The following DLC1 variants were observed in gnomAD, a reference collection of about 807,000 sequenced individuals.
DLC1 encodes the protein rho GTPase-activating protein 7.
In DLC1, 54 loss-of-function variants were observed where a neutral mutation model predicts 140.3. The ratio of observed to expected loss-of-function variants is 0.38; its 90% CI spans 0.31 to 0.48. The LOEUF is 0.48. DLC1 is among the 20% of genes least tolerant of loss of function. The pLI, the probability that DLC1 is intolerant of heterozygous loss-of-function variation, is 0.96. For missense variants in DLC1, 2,536 were observed against 1,907.0 expected (o/e 1.33, Z -6.14); for synonymous variants, 986 against 728.1 (o/e 1.35, Z -5.70).
At chr8:13,228,855 GA>G (rs1828919626) in intron 5 of DLC1, among the ~76,000 whole-genome samples, 1 of 152,208 alleles carries the variant, frequency 6.6e-6, no homozygotes, top group Non-Finnish European at 1.5e-5. Flanking sequence ...CATGCATACA[GA>G]ATGGGGAATG....
chr8:13,095,990 T>G (rs889549231), intron 10 of DLC1: 5 of 152,168 alleles, frequency 3.3e-5, no homozygotes, highest in Non-Finnish European at 7.3e-5. Context: ...GACCCCAGGC[T>G]CCCTGGTGTC....
chr8:13,560,055 G>A (rs1804184283), intron 1 of DLC1, among the ~76,000 whole-genome samples: 1 of 152,148 alleles, frequency 6.6e-6, no homozygotes, highest in Non-Finnish European at 1.5e-5. Context: ...AGACAAAGTA[G>A]CAAAAGAGAT....
chr8:13,378,078 A>T (rs1296866208), intron 4 of DLC1, among the ~76,000 whole-genome samples: 2 of 147,004 alleles, frequency 1.4e-5, no homozygotes, highest in African/African-American at 2.5e-5. Context: ...CCTTTTTTTT[A>T]AATTTTATTT....
intron 5 of DLC1, among the ~76,000 whole-genome samples, chr8:13,199,289 G>C (rs76676169): frequency 0.011 from 1,670 of 146,850 alleles, 13 homozygotes; most frequent in South Asian, 0.036. Flanking sequence ...GGCTCAAGCA[G>C]TCCTCCTGCT....
intron 5 of DLC1, among the ~76,000 whole-genome samples, chr8:13,173,561 G>A (rs1341066785): frequency 2.0e-5 from 3 of 152,034 alleles, no homozygotes; most frequent in African/African-American, 7.2e-5. Flanking sequence ...TAGCAGATAC[G>A]GGGTTTCACT....
chr8:13,514,521 G>A, intron 1 of DLC1, 81 bp downstream of exon 1: 1 of 398,274 alleles, frequency 2.5e-6, no homozygotes, highest in Non-Finnish European at 4.4e-6. Flanking sequence ...CCAACTCCGT[G>A]CAAGATGCTA....
chr8:13,538,489 G>C (rs141411152), intron 1 of DLC1, among the ~76,000 whole-genome samples: 1 of 152,014 alleles, frequency 6.6e-6, no homozygotes, highest in Non-Finnish European at 1.5e-5. Context: ...ATATGATGCC[G>C]AGATAAGCTG....
intron 1 of DLC1, among the ~76,000 whole-genome samples, chr8:13,526,101 C>T (rs1399574025): frequency 6.6e-6 from 1 of 152,136 alleles, no homozygotes. Context: ...TTTCTTTGCA[C>T]CTTTAACAAA....
chr8:13,170,614 C>T (rs10105018), intron 5 of DLC1, among the ~76,000 whole-genome samples: 76,310 of 150,884 alleles, frequency 0.51, 20,012 homozygotes, highest in East Asian at 0.84. Flanking sequence ...CCTGTAGTCC[C>T]AGCTAGTCGG....
intron 5 of DLC1, among the ~76,000 whole-genome samples, chr8:13,170,720 A>T (rs1387838261): frequency 1.5e-5 from 2 of 133,492 alleles, no homozygotes; most frequent in Admixed American, 8.3e-5. Context: ...ACAGAGCAAG[A>T]CTCCATCTCA....
At chr8:13,292,857 A>G (rs1831813067) in intron 5 of DLC1, among the ~76,000 whole-genome samples, 1 of 152,178 alleles carries the variant, frequency 6.6e-6, no homozygotes, top group Non-Finnish European at 1.5e-5. Flanking sequence ...GGATGTGAAT[A>G]TAGTCTATTG....
intron 1 of DLC1, among the ~76,000 whole-genome samples, chr8:13,504,630 GA>G (rs1197807275): frequency 6.6e-6 from 1 of 152,092 alleles, no homozygotes; most frequent in Non-Finnish European, 1.5e-5. Context: ...CGGAGAAAGA[GA>G]AAAAGAGATG....
chr8:13,086,091 C>A, intron 17 of DLC1, 160 bp from the exon 18 acceptor site: 1 of 1,370,864 alleles, frequency 7.3e-7, no homozygotes, highest in South Asian at 1.5e-5. Flanking sequence ...GCTTTAGAAC[C>A]ACATTTTCTA....
rs530474232 is a variant in DLC1 at position 13,413,144 on chromosome 8, A to G, written c.1024-11525T>C. ...TAGAGAGTTTGCTAAGTAGGGAAAG[A>G]AAGGTAAAGAACACTACACGAAGCT... is the stretch of plus-strand genomic sequence containing the variant. On this transcript the variant is annotated intron_variant, in intron 2 of 17. Coordinates refer to ENST00000276297, the MANE Select transcript of DLC1 (RefSeq NM_182643.3). Among the ~76,000 whole-genome samples, 6 of 152,082 alleles carry G rather than the reference A, an allele frequency of 3.9e-5. No individual in the cohort carries two copies. In the South Asian group the frequency reaches 1.0e-3, roughly 26 times the overall value.
At chr8:13,402,625 G>C (rs1837347897) in intron 2 of DLC1, among the ~76,000 whole-genome samples, 1 of 152,120 alleles carries the variant, frequency 6.6e-6, no homozygotes, top group African/African-American at 2.4e-5. Context: ...AGCTTTAAAA[G>C]GACCACCAGT....
chr8:13,153,217 G>A (rs1356096112), intron 5 of DLC1, among the ~76,000 whole-genome samples: 2 of 152,140 alleles, frequency 1.3e-5, no homozygotes, highest in Non-Finnish European at 2.9e-5. Flanking sequence ...TTTCCTTCTG[G>A]TGGGTTCGTG....
intron 5 of DLC1, among the ~76,000 whole-genome samples, chr8:13,192,554 G>C (rs1313123015): frequency 1.3e-5 from 2 of 152,044 alleles, no homozygotes; most frequent in Non-Finnish European, 2.9e-5. Flanking sequence ...CACACTCACA[G>C]CAACCCATCT....
At chr8:13,395,367 C>A (rs569464235) in intron 3 of DLC1, among the ~76,000 whole-genome samples, 14 of 152,256 alleles carry the variant, frequency 9.2e-5, no homozygotes, top group African/African-American at 1.2e-4. Context: ...GTGATCCACC[C>A]GCCTTGGCCT....
In DLC1 at chr8:13,411,529, T is replaced by C. The variant is rs143588482; in HGVS notation, c.1024-9910A>G. Among the ~76,000 whole-genome samples the C allele has an allele frequency of 5.0e-3, 764 of 152,324 alleles. 6 individuals carry two copies. The highest frequency in any genetic ancestry group is 0.018 in the African/African-American group (732 of 41,580). On this transcript the variant is annotated intron_variant, in intron 2 of 17. Transcript: ENST00000276297. The stretch of plus-strand genomic sequence containing the variant: ...GTACAACACCAATAGTAGACACTGA[T>C]GTAAACTATGAACTTTGAGTGATAC...
Sources: allele counts gnomAD v4.1 joint callset (sites outside exome capture counted in the v4.1 genomes callset), GRCh38; gene constraint gnomAD v4.1.1; transcripts MANE v1.5; gene names NCBI Gene and HGNC (gene_info 2026-07-23, HGNC 2026-07-21).